The following RYR2 variants were observed in gnomAD, a reference collection of about 807,000 sequenced individuals.
The protein encoded by RYR2 is cardiac muscle ryanodine receptor-calcium release channel.
Under a neutral mutation model 601.1 loss-of-function variants are expected in RYR2, and 227 were observed. The observed-to-expected ratio is 0.38, with a 90% CI of 0.34 to 0.42. The LOEUF is 0.42. Ranked by LOEUF, RYR2 falls within the 10% of genes least tolerant of loss-of-function variation. The pLI is 1.00. For missense variants in RYR2, 4,646 were observed against 6,156.5 expected (o/e 0.75, Z 8.21); for synonymous variants, 2,223 against 2,175.1 (o/e 1.02, Z -0.61).
At chr1:237,725,996 A>G (rs528348800) in intron 74 of RYR2, among the ~76,000 whole-genome samples, 1 of 151,824 alleles carries the variant, frequency 6.6e-6, no homozygotes, top group African/African-American at 2.4e-5. Flanking sequence ...TTAAAGGCCT[A>G]ACAGTGGTTT....
At position 237,330,956 on chromosome 1, in the gene RYR2, G is replaced by T; in HGVS notation, c.247G>T (p.Ala83Ser). The change falls in exon 3 of 105, where the codon GCT becomes TCT. Residue 83 changes from alanine to serine, a missense_variant. This residue lies in a region of RYR2 where 153 missense variants were observed against 203.6 expected (regional missense o/e 0.75). Coordinates refer to ENST00000366574, the MANE Select transcript of RYR2 (RefSeq NM_001035.3). ...LSVRALQEML[A>S]NTVEKSEGQV... is the part of the protein sequence containing the mutation. ...TGTCCGGGCGCTGCAGGAGATGCTG[G>T]CTAACACCGTGGAGAAATCAGAAGG... The T allele has an allele frequency of 1.2e-6, 2 of 1,613,990 alleles. No individual in the cohort carries two copies. The highest frequency in any genetic ancestry group is 1.7e-6 in the Non-Finnish European group (2 of 1,179,878).
At chr1:237,729,154 T>C (rs1288685941) in intron 76 of RYR2, among the ~76,000 whole-genome samples, 1 of 152,136 alleles carries the variant, frequency 6.6e-6, no homozygotes, top group African/African-American at 2.4e-5. Context: ...GTTTCTGTGA[T>C]GTCATAGAGT....
chr1:237,652,943 C>T (rs1423582808), intron 51 of RYR2, among the ~76,000 whole-genome samples: 1 of 152,114 alleles, frequency 6.6e-6, no homozygotes, highest in Non-Finnish European at 1.5e-5. Context: ...GTAAGACATG[C>T]AGTCCACTTT....
intron 48 of RYR2, among the ~76,000 whole-genome samples, chr1:237,645,662 T>G (rs1395173421): frequency 1.3e-5 from 2 of 152,208 alleles, no homozygotes; most frequent in Non-Finnish European, 2.9e-5. Context: ...GTCATCTGCC[T>G]TTAGCAGCCT....
chr1:237,274,023 AT>A (rs889023279), intron 2 of RYR2, among the ~76,000 whole-genome samples: 3 of 144,504 alleles, frequency 2.1e-5, no homozygotes, highest in Non-Finnish European at 4.5e-5. Context: ...ATACATATAT[AT>A]TTTATATTAT....
chr1:237,542,671 C>T (rs985712130), intron 25 of RYR2, among the ~76,000 whole-genome samples: 1 of 152,176 alleles, frequency 6.6e-6, no homozygotes, highest in Non-Finnish European at 1.5e-5. Context: ...TCATCCGGGC[C>T]TCTTTAGGAG....
chr1:237,441,225 T>G, intron 12 of RYR2, 94 bp from the exon 13 acceptor site: 1 of 1,371,516 alleles, frequency 7.3e-7, no homozygotes, highest in South Asian at 1.3e-5. Context: ...GCTGAATTTT[T>G]CAAGGAACAT....
chr1:237,542,674 T>G (rs1451698761), intron 25 of RYR2, among the ~76,000 whole-genome samples: 7 of 152,320 alleles, frequency 4.6e-5, no homozygotes, highest in Non-Finnish European at 8.8e-5. Context: ...TCCGGGCCTC[T>G]TTAGGAGTGC....
chr1:237,565,047 A>G (rs907951689), intron 27 of RYR2, among the ~76,000 whole-genome samples: 2 of 152,214 alleles, frequency 1.3e-5, no homozygotes, highest in Admixed American at 6.5e-5. Context: ...TTATGCATAA[A>G]GTCTTTCCCA....
At chr1:237,627,108 G>A (rs984452954) in intron 40 of RYR2, among the ~76,000 whole-genome samples, 4 of 152,176 alleles carry the variant, frequency 2.6e-5, no homozygotes, top group Admixed American at 6.5e-5. Context: ...GTGCCTCATC[G>A]TGCATAAATT....
chr1:237,823,451 G>A (rs1241534867), intron 101 of RYR2, among the ~76,000 whole-genome samples: 2 of 152,094 alleles, frequency 1.3e-5, no homozygotes, highest in Non-Finnish European at 1.5e-5. Flanking sequence ...ACAAAATTAA[G>A]GCAGAAATAA....
At chr1:237,496,857 A>G (rs1032146445) in intron 20 of RYR2, 105 bp downstream of exon 20, 10 of 1,331,880 alleles carry the variant, frequency 7.5e-6, no homozygotes, top group Non-Finnish European at 1.0e-5. Context: ...TAGGGTATTA[A>G]TTATTCAGAA....
intron 84 of RYR2, among the ~76,000 whole-genome samples, chr1:237,769,106 C>T (rs532457254): frequency 1.8e-4 from 27 of 152,068 alleles, no homozygotes; most frequent in Middle Eastern, 6.8e-3. Context: ...TATATGAACA[C>T]TTAAAGTGTG....
chr1:237,074,758 G>A (rs1230280981), intron 1 of RYR2, among the ~76,000 whole-genome samples: 1 of 152,146 alleles, frequency 6.6e-6, no homozygotes, highest in African/African-American at 2.4e-5. Flanking sequence ...CTGAAGACTG[G>A]GGGAGGGCAG....
At chr1:237,565,212 TTTCTTTCTTTC>T (rs1283865400) in intron 27 of RYR2, among the ~76,000 whole-genome samples, 12 of 118,374 alleles carry the variant, frequency 1.0e-4, no homozygotes. Flanking sequence ...TCTTTCTTTC[TTTCTTTCTTTC>T]TTTTGTCTTT....
Position 237,614,103 on chromosome 1 carries a change from C to T in RYR2, c.4975C>T (p.Arg1659Trp), listed in dbSNP as rs1483097607. 5 of 1,613,898 alleles carry T rather than the reference C, an allele frequency of 3.1e-6. No homozygotes were observed. Among genetic ancestry groups the T allele is most frequent in the South Asian group, 1.1e-5 (1 of 91,078 alleles). ...GCTGAAATTTCACTATCACACTCTC[C>T]GGCTCTACTCAGCCGTCTGTGCTCT... ...ELLKFHYHTL[R>W]LYSAVCALGN... Residue 1659 changes from arginine (R) to tryptophan (W), a missense_variant, in exon 37 of 105, where the codon CGG (arginine) becomes TGG (tryptophan). Physicochemically the swap from Arg to Trp is moderately radical, Grantham distance 101. This residue lies in a region of RYR2 where 1,807 missense variants were observed against 2,088.1 expected (regional missense o/e 0.87). Coordinates refer to ENST00000366574, the MANE Select transcript of RYR2 (RefSeq NM_001035.3). This position sits in a 1 kb window ranked among gnomAD's most constrained non-coding sequence, Gnocchi z 4.3.
rs1689569050 is a variant in RYR2, at chr1:237,270,485, C to T, written c.49-12C>T. 1 of 1,566,704 alleles carries T rather than the reference C, an allele frequency of 6.4e-7. No individual in the cohort carries two copies. The highest frequency in any genetic ancestry group is 8.7e-7 in the Non-Finnish European group (1 of 1,154,766). The stretch of plus-strand genomic sequence containing the variant: ...CTCACTTATTTTTCCCTCTCTTTCT[C>T]CCCCTTTGCAGGATGATGAAGTGGT... On this transcript the variant is annotated splice_polypyrimidine_tract_variant and intron_variant, in intron 1 of 104. Transcript: ENST00000366574.
intron 1 of RYR2, among the ~76,000 whole-genome samples, chr1:237,073,865 T>TAA (rs770238369): frequency 1.7e-4 from 15 of 88,020 alleles, no homozygotes; most frequent in African/African-American, 2.7e-4. Flanking sequence ...AGACTCCATC[T>TAA]TAAAAAAAAA....
chr1:237,071,493 G>A (rs1664312518), intron 1 of RYR2, among the ~76,000 whole-genome samples: 1 of 152,116 alleles, frequency 6.6e-6, no homozygotes, highest in Admixed American at 6.5e-5. Flanking sequence ...CAAAGTGCTG[G>A]GATTACAGGA....
Sources: allele counts gnomAD v4.1 joint callset (sites outside exome capture counted in the v4.1 genomes callset), GRCh38; gene constraint gnomAD v4.1.1; regional missense constraint gnomAD v4.1.1; non-coding constraint Gnocchi (gnomAD v3.1); transcripts MANE v1.5; gene names NCBI Gene and HGNC (gene_info 2026-07-23, HGNC 2026-07-21).